Variants in WFDC1 observed in about 807,000 individuals in gnomAD.
The protein encoded by WFDC1 is WAP four-disulfide core domain protein 1.
In WFDC1, 39 loss-of-function variants were observed where a neutral mutation model predicts 32.9. The ratio of observed to expected loss-of-function variants is 1.19; its 90% confidence interval spans 0.92 to 1.55. WFDC1 has a LOEUF of 1.55. Among genes scored for constraint, WFDC1 ranks in the 40% most tolerant of loss-of-function variants. The probability of loss-of-function intolerance (pLI) is 0.00; values close to 1 mark genes in which losing one functional copy is unlikely to be tolerated. For synonymous variants in WFDC1, 184 were observed against 137.4 expected (o/e 1.34, Z -2.37); for missense variants, 386 against 309.5 (o/e 1.25, Z -1.85).
intron 1 of WFDC1, among the ~76,000 whole-genome samples, chr16:84,304,435 C>G (rs1212646409): frequency 6.6e-6 from 1 of 152,146 alleles, no homozygotes; most frequent in African/African-American, 2.4e-5. Context: ...ACCATATTGG[C>G]CAGGCTGGTC....
chr16:84,301,694 A>T (rs913896400), intron 1 of WFDC1, among the ~76,000 whole-genome samples: 1 of 152,138 alleles, frequency 6.6e-6, no homozygotes, highest in Non-Finnish European at 1.5e-5. Flanking sequence ...AACTTACTGT[A>T]GGCTTGGCCA....
At chr16:84,323,757 C>A (rs937371314) in intron 4 of WFDC1, among the ~76,000 whole-genome samples, 4 of 152,210 alleles carry the variant, frequency 2.6e-5, no homozygotes, top group African/African-American at 9.6e-5. Flanking sequence ...TCTCTTCCCC[C>A]TGTGAACATA....
chr16:84,295,515 C>A, intron 1 of WFDC1: 1 of 311,478 alleles, frequency 3.2e-6, no homozygotes, highest in Non-Finnish European at 5.9e-6. Context: ...ATTCATTCAG[C>A]AAACAGAATG....
intron 1 of WFDC1, among the ~76,000 whole-genome samples, chr16:84,303,447 C>A (rs1907066171): frequency 6.7e-6 from 1 of 150,252 alleles, no homozygotes; most frequent in African/African-American, 2.5e-5. Context: ...ATAAATTCTT[C>A]TACTGATTAT....
intron 2 of WFDC1, chr16:84,316,743 C>T (rs1907972322): frequency 6.6e-6 from 1 of 152,066 alleles, no homozygotes. Context: ...TTTGGGAGGG[C>T]AAGGCGGGTA....
chr16:84,302,858 G>A (rs1427174499), intron 1 of WFDC1, among the ~76,000 whole-genome samples: 19 of 152,094 alleles, frequency 1.2e-4, no homozygotes, highest in Non-Finnish European at 4.4e-5. Context: ...GTGGGCCTGG[G>A]AATTATGAAT....
At chr16:84,324,530 G>C (rs1597695884) in intron 5 of WFDC1, 70 bp downstream of exon 5, 1 of 1,549,750 alleles carries the variant, frequency 6.5e-7, no homozygotes, top group East Asian at 2.2e-5. Context: ...CTTATGTGAA[G>C]AAAAAAATAA....
chr16:84,316,986 A>G (rs1443353974), intron 2 of WFDC1: 1 of 151,376 alleles, frequency 6.6e-6, no homozygotes, highest in Non-Finnish European at 1.5e-5. Context: ...CTCAAAAAAA[A>G]AAAAGAAAAA....
intron 4 of WFDC1, among the ~76,000 whole-genome samples, chr16:84,320,734 G>A (rs1029554277): frequency 1.3e-5 from 2 of 152,200 alleles, no homozygotes; most frequent in Non-Finnish European, 1.5e-5. Context: ...ACCACACCCA[G>A]GGGCCCCTGT....
intron 1 of WFDC1, among the ~76,000 whole-genome samples, chr16:84,302,017 A>T (rs551337529): frequency 3.9e-5 from 6 of 152,180 alleles, no homozygotes; most frequent in Non-Finnish European, 8.8e-5. Flanking sequence ...GCACCTGTCC[A>T]CTCAGGGGAC....
In WFDC1 at chr16:84,326,879, C is replaced by A. The variant is rs1302184142; in HGVS notation, c.605-3C>A. The A allele has an allele frequency of 6.2e-7, 1 of 1,614,038 alleles. No individual in the cohort carries two copies. Among genetic ancestry groups the A allele is most frequent in the East Asian group, 2.2e-5 (1 of 44,850 alleles). On this transcript the variant is annotated splice_region_variant and splice_polypyrimidine_tract_variant and intron_variant, in intron 5 of 6. Transcript: ENST00000219454. ...CCCCAACAGAGCTGTGTTCTTTTCA[C>A]AGAAGGTGACTCAAAGAATGTGGCA... is the stretch of plus-strand genomic sequence containing the variant.
intron 2 of WFDC1, among the ~76,000 whole-genome samples, chr16:84,315,434 A>G (rs1437343159): frequency 1.3e-5 from 2 of 152,212 alleles, no homozygotes; most frequent in Non-Finnish European, 1.5e-5. Flanking sequence ...CTGTAACCCC[A>G]GCATCTAAAA....
At chr16:84,305,874 G>A (rs1907219555) in intron 1 of WFDC1, among the ~76,000 whole-genome samples, 1 of 151,988 alleles carries the variant, frequency 6.6e-6, no homozygotes, top group African/African-American at 2.4e-5. Flanking sequence ...GTGGTGGCGG[G>A]CACCTGTAGT....
At chr16:84,308,905 A>G (rs1194917544) in intron 1 of WFDC1, among the ~76,000 whole-genome samples, 6 of 151,614 alleles carry the variant, frequency 4.0e-5, no homozygotes, top group Non-Finnish European at 2.9e-5. Flanking sequence ...GGGTGTAGAC[A>G]CCAGCCTGGG....
intron 3 of WFDC1, chr16:84,319,112 T>G: frequency 2.5e-6 from 1 of 400,628 alleles, no homozygotes; most frequent in Non-Finnish European, 4.5e-6. Context: ...CCCATGCGAC[T>G]GTAGGGCTGA....
At chr16:84,322,154 T>TGTGC (rs764561656) in intron 4 of WFDC1, among the ~76,000 whole-genome samples, 3,061 of 99,372 alleles carry the variant, frequency 0.031, 44 homozygotes, top group Admixed American at 0.04. Flanking sequence ...CCTGTGTGTG[T>TGTGC]GTGTGCGTGT....
At chr16:84,308,906 C>A (rs1177773325) in intron 1 of WFDC1, among the ~76,000 whole-genome samples, 1 of 152,138 alleles carries the variant, frequency 6.6e-6, no homozygotes, top group Non-Finnish European at 1.5e-5. Context: ...GGTGTAGACA[C>A]CAGCCTGGGC....
chr16:84,296,440 C>T (rs758882758), intron 1 of WFDC1, among the ~76,000 whole-genome samples: 5 of 152,124 alleles, frequency 3.3e-5, no homozygotes, highest in Non-Finnish European at 5.9e-5. Flanking sequence ...GATGCGTGTG[C>T]AGCTCTTCCC....
intron 1 of WFDC1, among the ~76,000 whole-genome samples, chr16:84,296,633 G>A (rs547778275): frequency 6.6e-5 from 10 of 152,130 alleles, no homozygotes; most frequent in Non-Finnish European, 1.5e-4. Context: ...CTCCATGTTC[G>A]GCACATGCTC....
Sources: gnomAD v4.1 joint callset for allele counts (sites outside exome capture counted in the v4.1 genomes callset) on GRCh38, gnomAD v4.1.1 for gene constraint, MANE v1.5 for transcripts, NCBI Gene and HGNC (gene_info 2026-07-23, HGNC 2026-07-21) for gene names.